Variants in CIZ1 observed in about 807,000 individuals in gnomAD.
The protein encoded by CIZ1 is CDKN1A interacting zinc finger protein 1, also known as cip1-interacting zinc finger protein.
CIZ1 carries 58 observed loss-of-function variants against 118.6 expected under a neutral mutation model. The ratio of observed to expected loss-of-function variants is 0.49; its 90% CI spans 0.40 to 0.61. The LOEUF (loss-of-function observed/expected upper bound fraction) is 0.61, where lower values mean the gene tolerates loss of function less well. CIZ1 is among the 20% of genes least tolerant of loss of function. The pLI is 0.00. For missense variants in CIZ1, 921 were observed against 1,115.9 expected, an observed-to-expected ratio of 0.83 and a Z score of 2.49; for synonymous variants, 448 against 443.4, an observed-to-expected ratio of 1.01 and a Z score of -0.13.
intron 1 of CIZ1, chr9:128,197,176 G>C: frequency 6.6e-6 from 1 of 152,204 alleles, no homozygotes; most frequent in East Asian, 1.9e-4. Context: ...GCACATCGCA[G>C]GTTTGTGTGG....
At chr9:128,185,524 T>C (rs1017749964) in intron 5 of CIZ1, 23 bp downstream of exon 5, 2 of 684,048 alleles carry the variant, frequency 2.9e-6, no homozygotes, top group Non-Finnish European at 4.6e-6. Flanking sequence ...TCCCGCCCAC[T>C]CCCATCCCCA....
intron 7 of CIZ1, among the ~76,000 whole-genome samples, chr9:128,179,661 G>T (rs79816566): frequency 1.3e-4 from 20 of 151,510 alleles, no homozygotes; most frequent in African/African-American, 2.2e-4. Flanking sequence ...TTTGTTTTTG[G>T]TTTTTTGTTG....
chr9:128,173,606 C>G (rs1333256516), intron 11 of CIZ1, among the ~76,000 whole-genome samples: 1 of 152,034 alleles, frequency 6.6e-6, no homozygotes, highest in Non-Finnish European at 1.5e-5. Context: ...GCATTTTGAT[C>G]TCTGTGAGAG....
rs1178573292 is a variant in CIZ1, at chr9:128,177,693, A to G, written c.1691T>C (p.Val564Ala). Residue 564 changes from valine (V) to alanine (A), a missense_variant, in exon 10 of 17, where the codon GTA becomes GCA. Transcript: ENST00000372938. ...QSSDSRAFST[V>A]PLTPVPRPSD... Reference sequence around the variant, plus strand: ...GGGGCGGGGGACAGGTGTCAGGGGTACAGTGCTAAAGGCCCGGCTGTCACT... The same window carrying G: ...GGGGCGGGGGACAGGTGTCAGGGGTGCAGTGCTAAAGGCCCGGCTGTCACT... 6.2e-7 allele frequency: 1 copy of G among 1,606,928 alleles called. No individual in the cohort carries two copies. Among genetic ancestry groups the G allele is most frequent in the South Asian group, 1.1e-5 (1 of 89,658 alleles).
chr9:128,183,268 G>T (rs931750951), intron 5 of CIZ1, among the ~76,000 whole-genome samples: 1 of 152,222 alleles, frequency 6.6e-6, no homozygotes, highest in African/African-American at 2.4e-5. Context: ...CAGCCTGAGA[G>T]TCAGGAGGCC....
At chr9:128,171,346 T>C (rs954567028) in intron 11 of CIZ1, among the ~76,000 whole-genome samples, 4 of 152,100 alleles carry the variant, frequency 2.6e-5, no homozygotes, top group African/African-American at 4.8e-5. Context: ...GGAGAATTCC[T>C]TGAGCCCAGG....
chr9:128,201,204 G>A (rs1833504913), intron 1 of CIZ1, among the ~76,000 whole-genome samples: 1 of 152,142 alleles, frequency 6.6e-6, no homozygotes, highest in East Asian at 1.9e-4. Context: ...GGAGGTGGAG[G>A]TTGCAGTGAG....
At position 128,166,528 on chromosome 9, in the gene CIZ1, G is replaced by A. The variant is rs575613975; in HGVS notation, c.2488-122C>T. ...AGTGTGCTCTGTGACCCTGCGTGAT[G>A]CACTCGGCCTCTCTGGGCCGTCTCT... On this transcript the variant is annotated intron_variant, in intron 16 of 16. Coordinates refer to ENST00000372938, the MANE Select transcript of CIZ1 (RefSeq NM_001131016.2). The surrounding 1 kb of genome is among the most constrained non-coding windows in gnomAD (Gnocchi z 4.4). 147 of 988,408 alleles carry A rather than the reference G, an allele frequency of 1.5e-4. 4 individuals carry two copies. In the South Asian group the frequency reaches 2.4e-3, roughly 16 times the overall value. The allele number at this position is 988,408 out of a possible 1,614,324, so 61.2% of individuals were successfully genotyped here. A position where few individuals can be genotyped will look rare whatever the true frequency, so the allele number is the denominator to read the frequency against.
Position 128,167,102 on chromosome 9 carries a change from A to C in CIZ1, c.2358T>G (p.Thr786=), listed in dbSNP as rs1442905349. Residue 786 remains threonine, a synonymous_variant, in exon 15 of 17, where the codon ACT becomes ACG. Coordinates refer to ENST00000372938, the MANE Select transcript of CIZ1 (RefSeq NM_001131016.2). ...TCAGAGCTGGGGCCTTACCATATGC[A>C]GTATTGGGGCTGTAGGTCTCCGAGC... The part of the protein sequence containing the change: ...WKGSETYSPN[T]AYGVDFLVPV... 6.3e-7 allele frequency: 1 copy of C among 1,599,720 alleles called. No homozygotes were observed. The highest frequency in any genetic ancestry group is 2.2e-5 in the East Asian group (1 of 44,638).
At chr9:128,169,785 C>T in intron 12 of CIZ1, 1 of 1,370,482 alleles carries the variant, frequency 7.3e-7, no homozygotes. Flanking sequence ...CCCAAATAAC[C>T]CCTGTGAGCC....
rs1414856156 is a variant in CIZ1, at chr9:128,190,835, T to C, written c.23A>G (p.Gln8Arg). Residue 8 changes from glutamine to arginine, a missense_variant, in exon 2 of 17, where the codon CAG becomes CGG. Transcript: ENST00000372938. MFSQQQQ[Q>R]QLQQQQQQLQ... ...CTGCTGCTGCTGTTGCTGGAGCTGC[T>C]GCTGCTGCTGCTGGCTGAACATGGT... is the stretch of plus-strand genomic sequence containing the variant. The C allele has an allele frequency of 6.5e-7, 1 of 1,539,852 alleles. No individual in the cohort carries two copies. The highest frequency in any genetic ancestry group is 1.2e-5 in the South Asian group (1 of 83,724).
chr9:128,176,606 G>T, intron 10 of CIZ1, 131 bp from the exon 11 acceptor site: 1 of 937,086 alleles, frequency 1.1e-6, no homozygotes, highest in South Asian at 1.7e-5. Flanking sequence ...TTTCTCTCTT[G>T]TGTAGGCTAG....
At chr9:128,173,677 A>G (rs7847286) in intron 11 of CIZ1, among the ~76,000 whole-genome samples, 56,717 of 151,894 alleles carry the variant, frequency 0.37, 10,865 homozygotes, top group East Asian at 0.51. Context: ...ACAGGCAGAC[A>G]CCTTGTGCCA....
chr9:128,178,956 C>G lies in CIZ1; in HGVS notation c.1251G>C (p.Arg417Ser). 1 of 1,613,546 alleles carries G rather than the reference C, an allele frequency of 6.2e-7. No homozygotes were observed. The highest frequency in any genetic ancestry group is 8.5e-7 in the Non-Finnish European group (1 of 1,179,936). Residue 417 changes from arginine (R) to serine (S), a missense_variant, in exon 8 of 17, where the codon AGG (arginine) becomes AGC (serine). By Grantham distance (110) the Arg-to-Ser change is moderately radical. Transcript: ENST00000372938. ...GCTTCTGCAGCTGCAGCTGCACCTG[C>G]CTTGGGGGCTGTGAATGTGCCTGGG... ...VQPQAHSQPPRQVQLQLQKQV... is the reference protein window; with the variant it reads ...VQPQAHSQPPSQVQLQLQKQV...
intron 11 of CIZ1, 38 bp downstream of exon 11, chr9:128,176,313 T>C (rs1830838971): frequency 6.2e-7 from 1 of 1,606,820 alleles, no homozygotes; most frequent in Non-Finnish European, 8.5e-7. Context: ...TGAGACTGCC[T>C]ACCCCCCAAC....
rs921546194 is a variant in CIZ1 at position 128,190,414 on chromosome 9, C to A, written c.201G>T (p.Pro67=). 1 of 1,613,622 alleles carries A rather than the reference C, an allele frequency of 6.2e-7. No individual in the cohort carries two copies. The highest frequency in any genetic ancestry group is 8.5e-7 in the Non-Finnish European group (1 of 1,179,808). The part of the protein sequence containing the change: ...RGLPPQQPQQ[P]LLNLQGTNSA... ...AGTTGGTGCCCTGGAGATTCAGAAG[C>A]GGCTGCTGTGGCTGCTGCGGGGGGA... The change falls in exon 3 of 17, where the codon CCG becomes CCT. Residue 67 remains proline, a synonymous_variant. Coordinates refer to ENST00000372938, the MANE Select transcript of CIZ1 (RefSeq NM_001131016.2).
At chr9:128,191,780 G>A, upstream of CIZ1, 2 of 1,424,772 alleles carry the variant, frequency 1.4e-6, no homozygotes, top group Non-Finnish European at 1.8e-6. This position sits in a 1 kb window ranked among gnomAD's most constrained non-coding sequence, Gnocchi z 5.5. Flanking sequence ...CGGAGACCAA[G>A]GTCCGTCTGC....
chr9:128,182,066 G>C (rs974724185), intron 5 of CIZ1, among the ~76,000 whole-genome samples: 17 of 152,112 alleles, frequency 1.1e-4, no homozygotes, highest in African/African-American at 3.6e-4. Flanking sequence ...TCTCTGCCTC[G>C]GCTGCCAGGC....
rs1198434756 is a variant in CIZ1, at chr9:128,179,390, G to C, written c.817C>G (p.Pro273Ala). 1.9e-6 allele frequency: 3 copies of C among 1,604,880 alleles called. No individual in the cohort carries two copies. The African/African-American group carries it at 4.0e-5, about 22-fold the overall frequency. ...GCCTTCACCTGTAACTGCCCTGGAG[G>C]TTCCTTCTCTGTGGGCTCTTCTGAG... The part of the protein sequence containing the change: ...RSSEEPTEKE[P>A]PGQLQVKAQP... Residue 273 changes from proline (P) to alanine (A), a missense_variant, in exon 8 of 17, where the codon CCT (proline) becomes GCT (alanine). Pro to Ala is a conservative substitution (Grantham distance 27). Transcript: ENST00000372938.
Sources: gnomAD v4.1 joint callset for allele counts (sites outside exome capture counted in the v4.1 genomes callset) on GRCh38, gnomAD v4.1.1 for gene constraint, Gnocchi (gnomAD v3.1) non-coding constraint, MANE v1.5 for transcripts, NCBI Gene and HGNC (gene_info 2026-07-23, HGNC 2026-07-21) for gene names.